STMN4: variants seen among roughly 807,000 people sequenced by gnomAD.
STMN4 encodes the protein stathmin 4, also known as stathmin-4.
A neutral mutation model predicts 29.1 loss-of-function variants in STMN4; 12 were observed. That is an observed-to-expected ratio of 0.41 (90% CI 0.26 to 0.67). STMN4 has a LOEUF of 0.67. STMN4 is among the 30% of genes least tolerant of loss of function. The pLI is 0.30. For missense variants in STMN4, 181 were observed against 262.8 expected, an observed-to-expected ratio of 0.69 and a Z score of 2.15; for synonymous variants, 114 against 105.3, an observed-to-expected ratio of 1.08 and a Z score of -0.51.
Position 27,257,630 on chromosome 8 carries a change from C to T in STMN4, c.-79+721G>A, listed in dbSNP as rs551143823. On this transcript the variant is annotated intron_variant, in intron 1 of 6. Transcript: ENST00000350889. Reference sequence around the variant, plus strand: ...CAGCTGACTGCTGGACATCAAAACCCTGGGTCCCAGGATGAGAAATGAATG... The same window carrying T: ...CAGCTGACTGCTGGACATCAAAACCTTGGGTCCCAGGATGAGAAATGAATG... 3.9e-5 allele frequency among the ~76,000 whole-genome samples: 6 copies of T among 152,130 alleles called. No homozygotes were observed. The East Asian group carries it at 1.2e-3, about 29-fold the overall frequency.
At chr8:27,241,645 C>A in intron 4 of STMN4, 32 bp downstream of exon 4, 1 of 1,613,188 alleles carries the variant, frequency 6.2e-7, no homozygotes, top group Non-Finnish European at 8.5e-7. Context: ...TGACGCTCGG[C>A]CTGCGGAATC....
intron 6 of STMN4, among the ~76,000 whole-genome samples, 167 bp from the exon 7 acceptor site, chr8:27,237,072 G>T (rs1304321887): frequency 1.3e-5 from 2 of 152,190 alleles, no homozygotes; most frequent in Non-Finnish European, 2.9e-5. Context: ...GGTGAGGCTG[G>T]CAGGAGGCAG....
intron 1 of STMN4, among the ~76,000 whole-genome samples, chr8:27,249,655 C>G (rs1340908497): frequency 6.6e-6 from 1 of 152,168 alleles, no homozygotes; most frequent in African/African-American, 2.4e-5. Context: ...CAGAGCAGCT[C>G]TGAATGAGAA....
At chr8:27,239,649 T>G (rs1471148861) in intron 6 of STMN4, 1 of 1,369,876 alleles carries the variant, frequency 7.3e-7, no homozygotes, top group African/African-American at 1.5e-5. Flanking sequence ...AATGCATACC[T>G]GCTTGTCTAT....
chr8:27,241,341 G>C, intron 4 of STMN4, 79 bp from the exon 5 acceptor site: 1 of 1,574,002 alleles, frequency 6.4e-7, no homozygotes, highest in Non-Finnish European at 8.7e-7. Flanking sequence ...CATGCACACG[G>C]GAGTGGGAGA....
chr8:27,247,739 G>A (rs957807102), intron 1 of STMN4, among the ~76,000 whole-genome samples: 1 of 152,200 alleles, frequency 6.6e-6, no homozygotes, highest in Non-Finnish European at 1.5e-5. Flanking sequence ...CAGGGATTCA[G>A]GTGGCATGAT....
At position 27,236,800 on chromosome 8, in the gene STMN4, G is replaced by C. The variant is rs757947159; in HGVS notation, c.*46C>G. 6 of 1,542,272 alleles carry C rather than the reference G, an allele frequency of 3.9e-6. No individual in the cohort carries two copies. Among genetic ancestry groups the C allele is most frequent in the Non-Finnish European group, 5.2e-6 (6 of 1,144,954 alleles). On this transcript the variant is annotated 3_prime_UTR_variant, in exon 7 of 7. Transcript: ENST00000350889. ...GCGAGGCTGCCTGGAACGTGGAGCT[G>C]CTGGAGCTGTCCGGCTGACCTGGAA...
At chr8:27,243,926 C>T (rs2130088424) in intron 1 of STMN4, 125 bp from the exon 2 acceptor site, 1 of 821,358 alleles carries the variant, frequency 1.2e-6, no homozygotes, top group Non-Finnish European at 1.9e-6. Context: ...TCCAGGCCCT[C>T]TCCCCACCAA....
At chr8:27,256,706 T>C (rs1014706240) in intron 1 of STMN4, among the ~76,000 whole-genome samples, 3 of 152,238 alleles carry the variant, frequency 2.0e-5, no homozygotes, top group Non-Finnish European at 2.9e-5. Flanking sequence ...TCTTATTCCA[T>C]TTTATTAAAA....
chr8:27,241,762 A>G lies in STMN4; in HGVS notation c.110-5T>C, dbSNP rs1801482611. The G allele has an allele frequency of 1.2e-6, 2 of 1,614,010 alleles. No homozygotes were observed. The highest frequency in any genetic ancestry group is 1.1e-5 in the South Asian group (1 of 91,082). On this transcript the variant is annotated splice_polypyrimidine_tract_variant and splice_region_variant and intron_variant, in intron 3 of 6. Transcript: ENST00000350889. ...TACACTGTCTCCCACACCAGCCTAG[A>G]CAGAAAAAACAACCTCAGGTCATCC...
At chr8:27,257,592 C>T (rs1281101411) in intron 1 of STMN4, among the ~76,000 whole-genome samples, 6 of 151,762 alleles carry the variant, frequency 4.0e-5, no homozygotes, top group Non-Finnish European at 7.4e-5. Context: ...AAGACAGCAC[C>T]GCCACGTGGG....
chr8:27,242,522 G>A (rs1801506106), intron 2 of STMN4, 30 bp from the exon 3 acceptor site: 1 of 1,607,454 alleles, frequency 6.2e-7, no homozygotes, highest in Non-Finnish European at 8.5e-7. Flanking sequence ...GGTGAGGATG[G>A]CGCCTCTCCT....
chr8:27,246,189 A>G (rs928986901), intron 1 of STMN4, among the ~76,000 whole-genome samples: 1 of 152,202 alleles, frequency 6.6e-6, no homozygotes, highest in Admixed American at 6.5e-5. Context: ...TGCTTTCTAC[A>G]TGGAAGGAAA....
chr8:27,244,301 A>G (rs1801562467), intron 1 of STMN4, among the ~76,000 whole-genome samples: 1 of 152,218 alleles, frequency 6.6e-6, no homozygotes, highest in Admixed American at 6.5e-5. Flanking sequence ...AGGCCTCTTC[A>G]GATGCCTCTC....
At chr8:27,258,013 G>C (rs1448469236) in intron 1 of STMN4, among the ~76,000 whole-genome samples, 1 of 152,218 alleles carries the variant, frequency 6.6e-6, no homozygotes, top group African/African-American at 2.4e-5. Flanking sequence ...GCCAGCTGCA[G>C]GGGCAGCCAG....
intron 1 of STMN4, among the ~76,000 whole-genome samples, chr8:27,246,322 T>G (rs1801622614): frequency 6.6e-6 from 1 of 152,210 alleles, no homozygotes; most frequent in Admixed American, 6.5e-5. Flanking sequence ...GGATTTGCAA[T>G]GGAGACCTCT....
chr8:27,236,736 C>G lies in STMN4; in HGVS notation c.*110G>C, dbSNP rs1273318591. The G allele has an allele frequency of 1.2e-5, 12 of 1,011,414 alleles. No individual in the cohort carries two copies. Among genetic ancestry groups the G allele is most frequent in the South Asian group, 2.0e-5 (1 of 49,204 alleles). 62.7% of individuals were successfully genotyped at this position (1,011,414 alleles called of 1,614,324 possible). Reference sequence around the variant, plus strand: ...AGAGGAAACGCCCCTTGGCCACCCCCCTCCCCCCAAACCCCAGTGCTGGGA... The same window carrying G: ...AGAGGAAACGCCCCTTGGCCACCCCGCTCCCCCCAAACCCCAGTGCTGGGA... On this transcript the variant is annotated 3_prime_UTR_variant, in exon 7 of 7. Coordinates refer to ENST00000350889, the MANE Select transcript of STMN4 (RefSeq NM_030795.4).
chr8:27,256,224 T>G (rs1246842091), intron 1 of STMN4, among the ~76,000 whole-genome samples: 1 of 152,154 alleles, frequency 6.6e-6, no homozygotes, highest in African/African-American at 2.4e-5. Flanking sequence ...GAATGGGAAG[T>G]TAGTGTCTAA....
chr8:27,257,847 A>T (rs999962151), intron 1 of STMN4, among the ~76,000 whole-genome samples: 11 of 152,284 alleles, frequency 7.2e-5, no homozygotes, highest in African/African-American at 2.2e-4. Context: ...ATCTCATTGC[A>T]TCCTTAGAAC....
Sources: allele counts gnomAD v4.1 joint callset (sites outside exome capture counted in the v4.1 genomes callset), GRCh38; gene constraint gnomAD v4.1.1; transcripts MANE v1.5; gene names NCBI Gene and HGNC (gene_info 2026-07-23, HGNC 2026-07-21).